Variants in LCP1 observed in about 807,000 individuals in gnomAD.
LCP1 encodes plastin-2.
LCP1 carries 23 observed loss-of-function variants against 72.0 expected under a neutral mutation model. The observed-to-expected ratio is 0.32, with a 90% CI of 0.23 to 0.45. The LOEUF (loss-of-function observed/expected upper bound fraction) is 0.45. LCP1 is among the 20% of genes least tolerant of loss of function. The pLI, the probability that LCP1 is intolerant of heterozygous loss-of-function variation, is 1.00. For missense variants in LCP1, 571 were observed against 748.3 expected (o/e 0.76, Z 2.76); for synonymous variants, 245 against 275.4 (o/e 0.89, Z 1.09).
intron 2 of LCP1, 167 bp from the exon 3 acceptor site, chr13:46,159,156 T>C: frequency 3.2e-6 from 2 of 627,716 alleles, no homozygotes; most frequent in African/African-American, 1.8e-5. Flanking sequence ...CTGTTGCTAC[T>C]GAATAGGGGC....
At chr13:46,172,989 G>A (rs2045911905) in intron 1 of LCP1, among the ~76,000 whole-genome samples, 1 of 152,124 alleles carries the variant, frequency 6.6e-6, no homozygotes, top group Admixed American at 6.5e-5. Flanking sequence ...AAAAACACAA[G>A]TCAGTTGGCA....
chr13:46,164,588 G>C lies in LCP1; in HGVS notation c.-24-4902C>G, dbSNP rs555678204. 3.3e-5 allele frequency among the ~76,000 whole-genome samples: 5 copies of C among 152,304 alleles called. No individual in the cohort carries two copies. In the South Asian group the frequency reaches 1.0e-3, roughly 32 times the overall value. ...CAGTGATTTAACAGCAAATGCAAAAGAGAAGTGGATTAACTTAGTTTAAAA... is the reference window on the plus strand; with the variant it reads ...CAGTGATTTAACAGCAAATGCAAAACAGAAGTGGATTAACTTAGTTTAAAA... On this transcript the variant is annotated intron_variant, in intron 1 of 15. Transcript: ENST00000323076.
At chr13:46,169,491 G>A (rs2045894108) in intron 1 of LCP1, 1 of 152,204 alleles carries the variant, frequency 6.6e-6, no homozygotes, top group Admixed American at 6.5e-5. Flanking sequence ...CTAGGCAGGA[G>A]TGCAGTGGCT....
intron 14 of LCP1, among the ~76,000 whole-genome samples, 163 bp downstream of exon 14, chr13:46,133,964 A>G (rs1305091823): frequency 2.0e-5 from 3 of 152,226 alleles, no homozygotes; most frequent in Admixed American, 6.5e-5. Context: ...CATTAATGAA[A>G]TGGCTGATGA....
In LCP1 at chr13:46,131,023, C is replaced by T. The variant is rs181335597; in HGVS notation, c.1627-85G>A. On this transcript the variant is annotated intron_variant, in intron 14 of 15. Transcript: ENST00000323076. ...CAAAGGAAGTGGGTGGCTTTTTCTT[C>T]CTAAATATATAATATATACAGCCTG... The T allele has an allele frequency of 2.2e-3, 2,926 of 1,334,558 alleles. 6 individuals carry two copies. Among genetic ancestry groups the T allele is most frequent in the Non-Finnish European group, 2.7e-3 (2,643 of 987,316 alleles). The allele number at this position is 1,334,558 out of a possible 1,614,324, so 82.7% of individuals were successfully genotyped here. A position where few individuals can be genotyped will look rare whatever the true frequency, so the allele number is the denominator to read the frequency against.
chr13:46,178,018 G>A (rs185038289), intron 1 of LCP1, among the ~76,000 whole-genome samples: 2 of 145,006 alleles, frequency 1.4e-5, no homozygotes, highest in African/African-American at 5.7e-5. Flanking sequence ...AAGCACCATG[G>A]TTTGCTACCT....
intron 6 of LCP1, chr13:46,153,197 T>C (rs2045779976): frequency 3.0e-6 from 1 of 329,422 alleles, no homozygotes; most frequent in African/African-American, 2.2e-5. Context: ...CCCATTCTGG[T>C]TGGCATGAGA....
chr13:46,153,471 C>T (rs1053193843), intron 6 of LCP1, among the ~76,000 whole-genome samples: 4 of 152,046 alleles, frequency 2.6e-5, no homozygotes, highest in East Asian at 1.9e-4. Flanking sequence ...GAGGTCAAGG[C>T]GGGTGGATCA....
At chr13:46,176,112 G>T (rs1199096584) in intron 1 of LCP1, among the ~76,000 whole-genome samples, 2 of 152,182 alleles carry the variant, frequency 1.3e-5, no homozygotes, top group African/African-American at 4.8e-5. Flanking sequence ...ATTATAGCTA[G>T]ACAGGAGGAA....
At chr13:46,130,982 T>G (rs762913553) in intron 14 of LCP1, 44 bp from the exon 15 acceptor site, 3 of 1,539,146 alleles carry the variant, frequency 1.9e-6, no homozygotes, top group Non-Finnish European at 2.6e-6. Flanking sequence ...TGTCCCAAAG[T>G]TACTCCCATT....
chr13:46,153,108 G>C, intron 6 of LCP1, 163 bp from the exon 7 acceptor site: 3 of 654,620 alleles, frequency 4.6e-6, no homozygotes, highest in Non-Finnish European at 7.4e-6. Flanking sequence ...CTCATAACCA[G>C]AAGAGAAAAT....
At chr13:46,162,491 G>A (rs1159146910) in intron 1 of LCP1, among the ~76,000 whole-genome samples, 5 of 152,006 alleles carry the variant, frequency 3.3e-5, no homozygotes, top group African/African-American at 1.2e-4. Context: ...TGGTGGAGAC[G>A]GGGTTTCGCT....
chr13:46,152,103 G>A (rs760219249), intron 7 of LCP1, among the ~76,000 whole-genome samples: 8 of 152,182 alleles, frequency 5.3e-5, no homozygotes, highest in Non-Finnish European at 1.0e-4. Flanking sequence ...TACACAGTAA[G>A]GTGGTTACTG....
Position 46,159,007 on chromosome 13 carries a change from T to C in LCP1, c.65-18A>G, listed in dbSNP as rs746404779. ...ATCAGTATCTGTAATGTACACAATA[T>C]ACTGAAGCTTCAGGACGATTCAGGC... On this transcript the variant is annotated intron_variant, in intron 2 of 15. Coordinates refer to ENST00000323076, the MANE Select transcript of LCP1 (RefSeq NM_002298.5). The C allele has an allele frequency of 6.2e-7, 1 of 1,613,090 alleles. No homozygotes were observed. Among genetic ancestry groups the C allele is most frequent in the East Asian group, 2.2e-5 (1 of 44,874 alleles).
At chr13:46,130,059 T>C (rs1279785669) in intron 15 of LCP1, among the ~76,000 whole-genome samples, 1 of 152,238 alleles carries the variant, frequency 6.6e-6, no homozygotes, top group Non-Finnish European at 1.5e-5. Context: ...AACATCTTGA[T>C]TGCAAACCTC....
At chr13:46,176,534 C>T (rs1221672630) in intron 1 of LCP1, among the ~76,000 whole-genome samples, 1 of 152,126 alleles carries the variant, frequency 6.6e-6, no homozygotes, top group African/African-American at 2.4e-5. Flanking sequence ...AAATTTTATA[C>T]AAATAACATT....
Position 46,128,358 on chromosome 13 carries a change from G to A in LCP1, c.1752-635C>T, listed in dbSNP as rs370365177. Among the ~76,000 whole-genome samples, 33 of 152,324 alleles carry A rather than the reference G, an allele frequency of 2.2e-4. No individual in the cohort carries two copies. The East Asian group carries it at 4.0e-3, about 19-fold the overall frequency. On this transcript the variant is annotated intron_variant, in intron 15 of 15. Coordinates refer to ENST00000323076, the MANE Select transcript of LCP1 (RefSeq NM_002298.5). ...TCACGCCTGTAATCCCAACACTTCG[G>A]GTGGCCGAGGCGGGTGGATCACAAG...
At chr13:46,156,090 T>C (rs760047988) in intron 5 of LCP1, among the ~76,000 whole-genome samples, 29 of 152,352 alleles carry the variant, frequency 1.9e-4, no homozygotes, top group Non-Finnish European at 3.4e-4. Context: ...TTTAATGTCC[T>C]TCTATAGTCA....
At chr13:46,157,822 C>T (rs1196088847) in intron 4 of LCP1, among the ~76,000 whole-genome samples, 1 of 144,504 alleles carries the variant, frequency 6.9e-6, no homozygotes, top group East Asian at 2.1e-4. Flanking sequence ...TCTCGGCTCA[C>T]TGCAACCTCT....
Sources: allele counts gnomAD v4.1 joint callset (sites outside exome capture counted in the v4.1 genomes callset), GRCh38; gene constraint gnomAD v4.1.1; transcripts MANE v1.5; gene names NCBI Gene and HGNC (gene_info 2026-07-23, HGNC 2026-07-21).